Variants in CADM2 observed in about 807,000 individuals in gnomAD.
CADM2 encodes immunoglobulin superfamily member 4D.
In CADM2, 12 loss-of-function variants were observed where a neutral mutation model predicts 49.8. That is an observed-to-expected ratio of 0.24 (90% CI 0.15 to 0.39). The LOEUF is 0.39. Among genes scored for constraint, CADM2 ranks in the 10% least tolerant of loss-of-function variants. The pLI is 1.00. For synonymous variants in CADM2, 214 were observed against 175.4 expected (o/e 1.22, Z -1.74); for missense variants, 378 against 492.3 (o/e 0.77, Z 2.20).
At chr3:85,749,904 T>G (rs982997918) in intron 2 of CADM2, among the ~76,000 whole-genome samples, 1 of 152,072 alleles carries the variant, frequency 6.6e-6, no homozygotes, top group Non-Finnish European at 1.5e-5. Flanking sequence ...TTGTTGCTAT[T>G]TGGGTGCTTT....
chr3:85,989,237 G>A (rs1486015085), intron 8 of CADM2, among the ~76,000 whole-genome samples: 1 of 152,066 alleles, frequency 6.6e-6, no homozygotes. Flanking sequence ...TAATAAAGTA[G>A]GAAAAGCACA....
At chr3:85,829,088 T>G (rs914170854) in intron 3 of CADM2, among the ~76,000 whole-genome samples, 2 of 151,982 alleles carry the variant, frequency 1.3e-5, no homozygotes, top group Non-Finnish European at 2.9e-5. Flanking sequence ...TAACACTGAT[T>G]TATAAATGGT....
At chr3:85,987,170 A>G (rs906327364) in intron 8 of CADM2, among the ~76,000 whole-genome samples, 1 of 151,996 alleles carries the variant, frequency 6.6e-6, no homozygotes, top group Non-Finnish European at 1.5e-5. Context: ...TATCTGAGAA[A>G]ACCTTGTATT....
chr3:85,988,287 A>T (rs551460653), intron 8 of CADM2, among the ~76,000 whole-genome samples: 2 of 152,318 alleles, frequency 1.3e-5, no homozygotes, highest in South Asian at 2.1e-4. Flanking sequence ...AGTTTTCTAT[A>T]CTCATTTAAA....
At chr3:85,938,177 C>A (rs1559753496) in intron 7 of CADM2, among the ~76,000 whole-genome samples, 1 of 152,038 alleles carries the variant, frequency 6.6e-6, no homozygotes, top group Non-Finnish European at 1.5e-5. Flanking sequence ...AGGCATTAAT[C>A]TCTTTAAAAA....
chr3:85,478,547 C>G (rs956407132), intron 1 of CADM2, among the ~76,000 whole-genome samples: 5 of 151,800 alleles, frequency 3.3e-5, no homozygotes, highest in African/African-American at 1.2e-4. Flanking sequence ...GTTGGAAAAA[C>G]TGACCAGAAA....
intron 8 of CADM2, among the ~76,000 whole-genome samples, chr3:85,984,491 G>A (rs1339194952): frequency 6.6e-6 from 1 of 151,412 alleles, no homozygotes; most frequent in Non-Finnish European, 1.5e-5. Flanking sequence ...TATTTAAGTG[G>A]TTATGTTTAT....
intron 1 of CADM2, among the ~76,000 whole-genome samples, chr3:84,963,900 T>G (rs1277918669): frequency 1.3e-5 from 2 of 152,206 alleles, no homozygotes; most frequent in Non-Finnish European, 2.9e-5. Context: ...TCTCACTCCC[T>G]TTTTTGATTA....
At chr3:85,415,715 T>G (rs968113789) in intron 1 of CADM2, among the ~76,000 whole-genome samples, 4 of 152,134 alleles carry the variant, frequency 2.6e-5, no homozygotes, top group Admixed American at 2.6e-4. Flanking sequence ...AACTATGTAC[T>G]TCAAACAAAA....
At chr3:85,056,810 A>G (rs1307136324) in intron 1 of CADM2, among the ~76,000 whole-genome samples, 1 of 152,116 alleles carries the variant, frequency 6.6e-6, no homozygotes, top group East Asian at 1.9e-4. Flanking sequence ...AGGACATTAT[A>G]CTTAGACAGG....
chr3:85,268,384 T>A (rs2043166380), intron 1 of CADM2, among the ~76,000 whole-genome samples: 1 of 151,456 alleles, frequency 6.6e-6, no homozygotes, highest in Non-Finnish European at 1.5e-5. Flanking sequence ...TTAATATTTT[T>A]AAACTAAATT....
intron 1 of CADM2, among the ~76,000 whole-genome samples, chr3:85,693,018 A>C (rs542981896): frequency 1.9e-4 from 29 of 151,972 alleles, no homozygotes; most frequent in African/African-American, 7.0e-4. Flanking sequence ...TCACTAGATC[A>C]AGAGATGGAA....
intron 6 of CADM2, among the ~76,000 whole-genome samples, chr3:85,916,329 A>G (rs1221404898): frequency 1.4e-5 from 1 of 70,066 alleles, no homozygotes; most frequent in Admixed American, 2.0e-4. Flanking sequence ...CCCTCCCCCC[A>G]CCCCACAACA....
intron 1 of CADM2, among the ~76,000 whole-genome samples, chr3:85,079,194 T>C (rs530488141): frequency 6.6e-6 from 1 of 151,924 alleles, no homozygotes; most frequent in East Asian, 1.9e-4. Context: ...TTTAAACATA[T>C]AAAACATTCA....
chr3:85,803,474 G>A (rs556700941), intron 3 of CADM2, among the ~76,000 whole-genome samples: 1 of 141,330 alleles, frequency 7.1e-6, no homozygotes, highest in African/African-American at 2.7e-5. Context: ...ACAAAATGAA[G>A]AAACAGACAG....
chr3:85,268,363 T>C (rs1401962085), intron 1 of CADM2, among the ~76,000 whole-genome samples: 1 of 151,504 alleles, frequency 6.6e-6, no homozygotes, highest in African/African-American at 2.4e-5. Flanking sequence ...GTGGCATATT[T>C]GTGACATTTA....
intron 1 of CADM2, among the ~76,000 whole-genome samples, chr3:85,437,789 T>C (rs2037002036): frequency 6.6e-6 from 1 of 152,010 alleles, no homozygotes; most frequent in Admixed American, 6.6e-5. Context: ...GTTCCTTTTT[T>C]CTAAATATAA....
intron 7 of CADM2, among the ~76,000 whole-genome samples, chr3:85,941,511 A>T (rs1396032561): frequency 6.6e-6 from 1 of 152,184 alleles, no homozygotes; most frequent in Non-Finnish European, 1.5e-5. Context: ...AATTAGAGAG[A>T]AGAGAGGCAG....
chr3:84,962,895 T>C (rs1267298082), intron 1 of CADM2, among the ~76,000 whole-genome samples: 1 of 152,188 alleles, frequency 6.6e-6, no homozygotes, highest in African/African-American at 2.4e-5. Context: ...TTACCTTTTT[T>C]CTGGGAAGCA....
Sources: allele counts gnomAD v4.1 joint callset (sites outside exome capture counted in the v4.1 genomes callset), GRCh38; gene constraint gnomAD v4.1.1; transcripts MANE v1.5; gene names NCBI Gene and HGNC (gene_info 2026-07-23, HGNC 2026-07-21).